Variants in ANK3 observed in about 807,000 individuals in gnomAD.
ANK3 encodes the protein ankyrin 3, also known as ankyrin-3.
In ANK3, 57 loss-of-function variants were observed where a neutral mutation model predicts 370.9. That is an observed-to-expected ratio of 0.15 (90% CI 0.12 to 0.19). ANK3 has a LOEUF of 0.19. ANK3 is among the 10% of genes least tolerant of loss of function. The pLI is 1.00. For synonymous variants in ANK3, 1,929 were observed against 1,946.3 expected (o/e 0.99, Z 0.23); for missense variants, 4,439 against 5,302.1 (o/e 0.84, Z 5.06).
At chr10:60,395,582 T>TTC (rs1228417745) in intron 2 of ANK3, among the ~76,000 whole-genome samples, 6 of 126,400 alleles carry the variant, frequency 4.7e-5, no homozygotes, top group African/African-American at 1.9e-4. Flanking sequence ...CTTTCTTTCT[T>TTC]TCTTTCTTTC....
intron 2 of ANK3, among the ~76,000 whole-genome samples, chr10:60,528,137 C>CTTTT (rs10677013): frequency 9.0e-6 from 1 of 111,052 alleles, no homozygotes; most frequent in Non-Finnish European, 1.8e-5. Flanking sequence ...TCTTCTTCTT[C>CTTTT]TTTTTTTTTT....
rs955263663 is a variant in ANK3 at position 60,042,714 on chromosome 10, C to T, written c.13111G>A (p.Val4371Met). 1.2e-5 allele frequency: 19 copies of T among 1,614,018 alleles called. No individual in the cohort carries two copies. In the African/African-American group the frequency reaches 2.3e-4, roughly 19 times the overall value. The change falls in exon 43 of 44, where the codon GTG becomes ATG. Residue 4371 changes from valine to methionine, a missense_variant. Val to Met is a conservative substitution (Grantham distance 21). Coordinates refer to ENST00000280772, the MANE Select transcript of ANK3 (RefSeq NM_020987.5). ...TGTTACGAGTGGCTCTTCTTTTCCA[C>T]ATGCCGGATTTCTTTCTTCGTTTTC... ...KVKTKKEIRH[V>M]EKKSHS
chr10:60,270,354 G>A, intron 4 of ANK3, 125 bp from the exon 5 acceptor site: 3 of 477,338 alleles, frequency 6.3e-6, no homozygotes, highest in Non-Finnish European at 1.0e-5. Flanking sequence ...CTTTCATATA[G>A]ATATAAATAT....
intron 5 of ANK3, among the ~76,000 whole-genome samples, chr10:60,268,477 G>C (rs966752338): frequency 6.6e-6 from 1 of 152,018 alleles, no homozygotes; most frequent in Non-Finnish European, 1.5e-5. Context: ...TTTACTAACA[G>C]GTTTCTTTTT....
chr10:60,536,242 T>C (rs143414470), intron 2 of ANK3, among the ~76,000 whole-genome samples: 2,591 of 152,188 alleles, frequency 0.017, 58 homozygotes, highest in Admixed American at 0.07. Flanking sequence ...GATTTTATAA[T>C]TGCAGATGAA....
chr10:60,358,166 C>T (rs368189271), intron 1 of ANK3, among the ~76,000 whole-genome samples: 7 of 151,892 alleles, frequency 4.6e-5, no homozygotes, highest in African/African-American at 1.7e-4. Flanking sequence ...TCTTATCCCA[C>T]TTTTCCAGCT....
intron 2 of ANK3, among the ~76,000 whole-genome samples, chr10:60,457,734 G>A (rs775117603): frequency 2.4e-4 from 37 of 152,058 alleles, no homozygotes; most frequent in Admixed American, 5.9e-4. Context: ...GAATATTCTC[G>A]AAGATTCTAG....
chr10:60,522,282 C>T (rs1336845943), intron 2 of ANK3, among the ~76,000 whole-genome samples: 1 of 151,778 alleles, frequency 6.6e-6, no homozygotes, highest in East Asian at 1.9e-4. Flanking sequence ...GGGGTTGTTT[C>T]CTGCTGACAC....
At chr10:60,059,615 GC>G (rs2131929128) in intron 40 of ANK3, 185 bp from the exon 41 acceptor site, 1 of 1,456,502 alleles carries the variant, frequency 6.9e-7, no homozygotes, top group East Asian at 2.3e-5. Context: ...GCTGCTCAGA[GC>G]TTACTCCTAG....
At chr10:60,134,997 T>C (rs2094268165) in intron 24 of ANK3, among the ~76,000 whole-genome samples, 1 of 152,236 alleles carries the variant, frequency 6.6e-6, no homozygotes, top group East Asian at 1.9e-4. Context: ...GTTGTCTTTC[T>C]AGCTCCTCCA....
At chr10:60,657,962 G>C (rs1463201661) in intron 1 of ANK3, among the ~76,000 whole-genome samples, 2 of 149,444 alleles carry the variant, frequency 1.3e-5, no homozygotes, top group Non-Finnish European at 3.0e-5. Context: ...ATTATTATAT[G>C]CTGCTCATTG....
intron 25 of ANK3, among the ~76,000 whole-genome samples, chr10:60,132,616 T>C (rs2094141258): frequency 1.3e-5 from 2 of 148,796 alleles, no homozygotes; most frequent in South Asian, 4.3e-4. Flanking sequence ...CATGCACCTA[T>C]AATCAATTTT....
chr10:60,543,519 A>G (rs955238881), intron 2 of ANK3, among the ~76,000 whole-genome samples: 4 of 151,796 alleles, frequency 2.6e-5, no homozygotes, highest in African/African-American at 7.3e-5. Flanking sequence ...AGTTCCAGGG[A>G]AAAAAAATAC....
At chr10:60,416,262 T>C (rs563122738) in intron 2 of ANK3, among the ~76,000 whole-genome samples, 1 of 152,262 alleles carries the variant, frequency 6.6e-6, no homozygotes, top group Admixed American at 6.5e-5. Flanking sequence ...GTAGCACAGA[T>C]GGATTGTTTC....
intron 1 of ANK3, among the ~76,000 whole-genome samples, chr10:60,692,622 A>G (rs1451366490): frequency 4.6e-5 from 7 of 152,194 alleles, no homozygotes; most frequent in African/African-American, 1.7e-4. Context: ...GCCTCAGGGT[A>G]TAACAACCAC....
rs1345076895 is a variant in ANK3 at position 60,114,347 on chromosome 10, G to A, written c.2842-16C>T. ...ATGTTAGATGCTGAAAAATAAAATG[G>A]TAAATTAAATTACATCAACAAACCA... On this transcript the variant is annotated splice_polypyrimidine_tract_variant and intron_variant, in intron 25 of 43. Transcript: ENST00000280772. 5.4e-6 allele frequency: 8 copies of A among 1,472,354 alleles called. No individual in the cohort carries two copies. The highest frequency in any genetic ancestry group is 6.6e-6 in the Non-Finnish European group (7 of 1,061,962). The allele number at this position is 1,472,354 out of a possible 1,614,324, so 91.2% of individuals were successfully genotyped here.
At chr10:60,064,508 T>G (rs1249827112) in intron 38 of ANK3, among the ~76,000 whole-genome samples, 1 of 152,052 alleles carries the variant, frequency 6.6e-6, no homozygotes, top group South Asian at 2.1e-4. Context: ...ACAATCAGAT[T>G]TTTTTTAGAG....
chr10:60,173,112 A>T lies in ANK3; in HGVS notation c.2259T>A (p.Ser753=). 1 of 1,614,160 alleles carries T rather than the reference A, an allele frequency of 6.2e-7. No individual in the cohort carries two copies. The highest frequency in any genetic ancestry group is 8.5e-7 in the Non-Finnish European group (1 of 1,179,990). The change falls in exon 19 of 44, where the codon TCT becomes TCA. Residue 753 remains serine (S), a synonymous_variant. Transcript: ENST00000280772. The part of the protein sequence containing the change: ...IKIVNFLLQH[S]AKVNAKTKNG... The stretch of plus-strand genomic sequence containing the variant: ...CCTTTGTTTTGGCATTAACTTTTGC[A>T]GAATGCTGGAGCAGGAAATTAACAA...
intron 2 of ANK3, among the ~76,000 whole-genome samples, chr10:60,547,263 T>G (rs1595251990): frequency 6.6e-6 from 1 of 151,762 alleles, no homozygotes; most frequent in African/African-American, 2.4e-5. Context: ...GCTAATTTTT[T>G]TGTATTTTTA....
Sources: allele counts gnomAD v4.1 joint callset (sites outside exome capture counted in the v4.1 genomes callset), GRCh38; gene constraint gnomAD v4.1.1; transcripts MANE v1.5; gene names NCBI Gene and HGNC (gene_info 2026-07-23, HGNC 2026-07-21).